Variants in MECOM observed in about 807,000 individuals in gnomAD.
MECOM encodes histone-lysine N-methyltransferase MECOM.
In MECOM, 13 loss-of-function variants were observed where a neutral mutation model predicts 116.3. The observed-to-expected ratio is 0.11, with a 90% CI of 0.07 to 0.18. The LOEUF is 0.18. MECOM is among the 10% of genes least tolerant of loss of function. MECOM has a pLI of 1.00. For missense variants in MECOM, 1,299 were observed against 1,509.0 expected, an observed-to-expected ratio of 0.86 and a Z score of 2.31; for synonymous variants, 528 against 535.2, an observed-to-expected ratio of 0.99 and a Z score of 0.19.
chr3:169,373,347 T>C (rs1730464594), intron 2 of MECOM, among the ~76,000 whole-genome samples: 1 of 152,030 alleles, frequency 6.6e-6, no homozygotes, highest in Non-Finnish European at 1.5e-5. Context: ...AAAAGTATCT[T>C]ATTTCTCTAA....
rs768771100 is a variant in MECOM, at chr3:169,482,328, C to CTTTT, written c.38-100808_38-100805dup. Among the ~76,000 whole-genome samples the CTTTT allele has an allele frequency of 5.7e-3, 619 of 108,310 alleles. 24 individuals are homozygous for CTTTT. The highest frequency in any genetic ancestry group is 0.016 in the African/African-American group (450 of 27,722). 71.1% of individuals were successfully genotyped at this position (108,310 alleles called of 152,430 possible). On this transcript the variant is annotated intron_variant, in intron 1 of 16. Coordinates refer to ENST00000651503, the MANE Select transcript of MECOM (RefSeq NM_004991.4). The stretch of plus-strand genomic sequence containing the variant: ...GTTACAGGGGAGCTTAACCCACGTT[C>CTTTT]TTTTTTTTTTTTTTTTTTTTTGAGA...
intron 1 of MECOM, among the ~76,000 whole-genome samples, chr3:169,427,276 C>T (rs1306942522): frequency 6.6e-6 from 1 of 151,762 alleles, no homozygotes; most frequent in Non-Finnish European, 1.5e-5. Flanking sequence ...TTATCAAGTG[C>T]TGTTATTTTT....
chr3:169,231,641 A>G lies in MECOM; in HGVS notation c.376-87809T>C, dbSNP rs1383186743. On this transcript the variant is annotated intron_variant, in intron 2 of 16. Transcript: ENST00000651503. ...AAAGATGAGAATGAGTCTTCCACAC[A>G]AAAAGCTAGGGAGAAGCACCCCAGG... 3.9e-5 allele frequency among the ~76,000 whole-genome samples: 6 copies of G among 152,036 alleles called. No individual in the cohort carries two copies. The South Asian group carries it at 6.2e-4, about 16-fold the overall frequency.
intron 2 of MECOM, among the ~76,000 whole-genome samples, chr3:169,329,522 G>A (rs767991644): frequency 8.5e-5 from 13 of 152,156 alleles, no homozygotes; most frequent in Non-Finnish European, 1.5e-4. Flanking sequence ...GCACTAAGAC[G>A]TGCCCTTAAT....
At chr3:169,353,153 G>C (rs1726675713) in intron 2 of MECOM, among the ~76,000 whole-genome samples, 1 of 151,842 alleles carries the variant, frequency 6.6e-6, no homozygotes. Flanking sequence ...CATGGCCAAA[G>C]GATTTGGCTG....
At chr3:169,301,113 A>G (rs975541826) in intron 2 of MECOM, among the ~76,000 whole-genome samples, 1 of 152,234 alleles carries the variant, frequency 6.6e-6, no homozygotes, top group Non-Finnish European at 1.5e-5. Context: ...TTAATTAAAT[A>G]TCGGCGCGAT....
At chr3:169,542,252 C>T (rs1760161655) in intron 1 of MECOM, among the ~76,000 whole-genome samples, 1 of 151,774 alleles carries the variant, frequency 6.6e-6, no homozygotes, top group African/African-American at 2.4e-5. Flanking sequence ...CCTTTCACAG[C>T]AGTTTTTGTT....
chr3:169,622,087 GGTTT>G (rs1488940266), intron 1 of MECOM, among the ~76,000 whole-genome samples: 1 of 152,014 alleles, frequency 6.6e-6, no homozygotes, highest in Non-Finnish European at 1.5e-5. Flanking sequence ...TGCCAACAGA[GGTTT>G]GTTTGTTTGT....
At position 169,381,258 on chromosome 3, in the gene MECOM, C is replaced by T. The variant is rs1181791298; in HGVS notation, c.304G>A (p.Val102Ile). Reference sequence around the variant, plus strand: ...ACATAAGGCCCAAACTTTTCACCTACTTCGATCTTCCTTTTGGTCCATATT... The same window carrying T: ...ACATAAGGCCCAAACTTTTCACCTATTTCGATCTTCCTTTTGGTCCATATT... ...LGIWTKRKIEVGEKFGPYVGE... is the reference protein window; with the variant it reads ...LGIWTKRKIEIGEKFGPYVGE... Residue 102 changes from valine to isoleucine, a missense_variant, in exon 2 of 17, where the codon GTA (valine) becomes ATA (isoleucine). Val to Ile is a conservative substitution (Grantham distance 29, BLOSUM62 3). Around this residue, in one of 6 missense-constraint regions of MECOM, gnomAD observed 374 missense variants for 433.4 expected, o/e 0.86. Coordinates refer to ENST00000651503, the MANE Select transcript of MECOM (RefSeq NM_004991.4). The T allele has an allele frequency of 6.2e-7, 1 of 1,613,826 alleles. No homozygotes were observed. The highest frequency in any genetic ancestry group is 8.5e-7 in the Non-Finnish European group (1 of 1,179,788).
intron 2 of MECOM, among the ~76,000 whole-genome samples, chr3:169,196,603 GC>G (rs1212121407): frequency 3.9e-5 from 6 of 152,086 alleles, no homozygotes; most frequent in Admixed American, 2.6e-4. Context: ...AAAATGAGTA[GC>G]ATTCACACTT....
chr3:169,559,557 C>T (rs1762421556), intron 1 of MECOM, among the ~76,000 whole-genome samples: 1 of 152,120 alleles, frequency 6.6e-6, no homozygotes, highest in Non-Finnish European at 1.5e-5. Context: ...CATGTTCTGC[C>T]CTTTAACAGT....
At chr3:169,472,414 G>T (rs1474986196) in intron 1 of MECOM, among the ~76,000 whole-genome samples, 1 of 135,616 alleles carries the variant, frequency 7.4e-6, no homozygotes, top group East Asian at 2.2e-4. Context: ...GGAGAGGAGA[G>T]GAGAGGAAAG....
chr3:169,212,393 A>G (rs1286291335), intron 2 of MECOM, among the ~76,000 whole-genome samples: 1 of 151,434 alleles, frequency 6.6e-6, no homozygotes, highest in African/African-American at 2.4e-5. Context: ...ACCATACTCC[A>G]ATGCCTGCAG....
intron 1 of MECOM, among the ~76,000 whole-genome samples, chr3:169,562,176 G>GAAAA (rs10714324): frequency 2.3e-5 from 2 of 87,132 alleles, no homozygotes; most frequent in Non-Finnish European, 2.5e-5. Context: ...AAGAAAGAAA[G>GAAAA]AAAAAAAAAA....
At chr3:169,631,826 G>A (rs1359914791) in intron 1 of MECOM, among the ~76,000 whole-genome samples, 5 of 151,988 alleles carry the variant, frequency 3.3e-5, no homozygotes, top group Admixed American at 3.3e-4. Flanking sequence ...GTTCAAGGCT[G>A]TTGAGTACTC....
At chr3:169,576,281 C>G (rs928927288) in intron 1 of MECOM, among the ~76,000 whole-genome samples, 2 of 151,936 alleles carry the variant, frequency 1.3e-5, no homozygotes, top group Non-Finnish European at 2.9e-5. Context: ...TATTAAGTAC[C>G]AACAGTATGC....
At chr3:169,091,887 A>G (rs1396812151) in intron 14 of MECOM, among the ~76,000 whole-genome samples, 1 of 152,154 alleles carries the variant, frequency 6.6e-6, no homozygotes. Context: ...AACAGAGGAC[A>G]CTAATCCAAT....
intron 1 of MECOM, among the ~76,000 whole-genome samples, chr3:169,537,176 G>T (rs1308926446): frequency 6.6e-6 from 1 of 152,216 alleles, no homozygotes; most frequent in East Asian, 1.9e-4. Flanking sequence ...CCAACAAGAA[G>T]AATTATTTCC....
intron 1 of MECOM, among the ~76,000 whole-genome samples, chr3:169,433,463 G>A (rs781271157): frequency 1.3e-4 from 19 of 150,118 alleles, no homozygotes; most frequent in Non-Finnish European, 1.6e-4. Flanking sequence ...AGCGAAACTC[G>A]AAAGAAGGAA....
Sources: allele counts gnomAD v4.1 joint callset (sites outside exome capture counted in the v4.1 genomes callset), GRCh38; gene constraint gnomAD v4.1.1; regional missense constraint gnomAD v4.1.1; transcripts MANE v1.5; gene names NCBI Gene and HGNC (gene_info 2026-07-23, HGNC 2026-07-21).